The following SNTG2 variants were observed in gnomAD, a reference collection of about 807,000 sequenced individuals.
SNTG2 encodes gamma-2-syntrophin.
A neutral mutation model predicts 70.9 loss-of-function variants in SNTG2; 74 were observed. That is an observed-to-expected ratio of 1.04 (90% CI 0.86 to 1.27). The LOEUF (loss-of-function observed/expected upper bound fraction) is 1.27, where lower values mean the gene tolerates loss of function less well. SNTG2 is among the 50% of genes most tolerant of loss of function. SNTG2 has a pLI of 0.00. For missense variants in SNTG2, 717 were observed against 690.7 expected (o/e 1.04, Z -0.43); for synonymous variants, 278 against 273.8 (o/e 1.02, Z -0.15).
chr2:1,137,909 G>C, intron 6 of SNTG2, 100 bp downstream of exon 6: 1 of 1,168,716 alleles, frequency 8.6e-7, no homozygotes, highest in East Asian at 2.4e-5. Context: ...CATAGATGCA[G>C]TGTTAGAATT....
At chr2:1,005,848 TATATATATATATATATATATATATATAA>T (rs1164519080) in intron 1 of SNTG2, among the ~76,000 whole-genome samples, 4 of 20,836 alleles carry the variant, frequency 1.9e-4, no homozygotes, top group African/African-American at 5.2e-4. Flanking sequence ...TATATATATA[TATATATATATATATATATATATATATAA>T]ACGTTGACAT....
intron 8 of SNTG2, among the ~76,000 whole-genome samples, chr2:1,194,198 G>C (rs1240725690): frequency 6.6e-6 from 1 of 152,206 alleles, no homozygotes; most frequent in Non-Finnish European, 1.5e-5. Flanking sequence ...GTTAGAAGTA[G>C]GAGGAAGCAG....
intron 1 of SNTG2, among the ~76,000 whole-genome samples, chr2:1,076,825 TAATC>T (rs377246039): frequency 6.8e-4 from 104 of 152,342 alleles, no homozygotes; most frequent in African/African-American, 1.5e-3. Flanking sequence ...TAGATTTAAA[TAATC>T]AATAATAAAT....
intron 11 of SNTG2, among the ~76,000 whole-genome samples, chr2:1,246,199 G>GA (rs1352959525): frequency 4.6e-5 from 7 of 152,302 alleles, no homozygotes; most frequent in African/African-American, 1.7e-4. Flanking sequence ...TGAAAACCAT[G>GA]ATGATAGCTG....
chr2:1,278,486 C>A (rs1572909584), intron 14 of SNTG2, among the ~76,000 whole-genome samples: 1 of 152,076 alleles, frequency 6.6e-6, no homozygotes, highest in Non-Finnish European at 1.5e-5. Flanking sequence ...ACAGGAGGTG[C>A]TAGTGAGGTA....
chr2:1,161,823 C>T (rs1291637945), intron 6 of SNTG2, among the ~76,000 whole-genome samples: 1 of 152,080 alleles, frequency 6.6e-6, no homozygotes, highest in Non-Finnish European at 1.5e-5. Context: ...GCCTGTAATC[C>T]CAGCAGTTTG....
chr2:1,254,509 GA>G (rs1677937455), intron 12 of SNTG2, among the ~76,000 whole-genome samples: 1 of 132,526 alleles, frequency 7.5e-6, no homozygotes, highest in African/African-American at 3.5e-5. Context: ...GCATATGCAA[GA>G]ATTATTAGCA....
At chr2:1,174,100 C>G (rs550222904) in intron 8 of SNTG2, among the ~76,000 whole-genome samples, 1 of 152,276 alleles carries the variant, frequency 6.6e-6, no homozygotes, top group South Asian at 2.1e-4. Flanking sequence ...CATTTAGACT[C>G]TGTGTCAGTT....
chr2:1,039,308 C>T (rs1558332517), intron 1 of SNTG2, among the ~76,000 whole-genome samples: 1 of 152,120 alleles, frequency 6.6e-6, no homozygotes, highest in East Asian at 1.9e-4. Flanking sequence ...CATTTTTTCT[C>T]ACAATTAGAT....
rs114283324 is a variant in SNTG2, at chr2:1,332,921, C to T, written c.1488+16546C>T. 1.7e-3 allele frequency among the ~76,000 whole-genome samples: 258 copies of T among 152,284 alleles called. 1 individual carries two copies. The highest frequency in any genetic ancestry group is 6.0e-3 in the African/African-American group (249 of 41,572). On this transcript the variant is annotated intron_variant, in intron 16 of 16. Coordinates refer to ENST00000308624, the MANE Select transcript of SNTG2 (RefSeq NM_018968.4). ...AAGACAGGGACGCCTACTCTCACCA[C>T]TTCTATTCACCATAGTACTGAAGTC...
At chr2:1,066,476 G>A (rs1455127081) in intron 1 of SNTG2, among the ~76,000 whole-genome samples, 2 of 152,028 alleles carry the variant, frequency 1.3e-5, no homozygotes, top group Non-Finnish European at 2.9e-5. Flanking sequence ...CAGATGTGAT[G>A]ATTTTGCCGG....
At chr2:1,265,551 G>A (rs960609519) in intron 13 of SNTG2, among the ~76,000 whole-genome samples, 47 of 152,342 alleles carry the variant, frequency 3.1e-4, no homozygotes, top group Non-Finnish European at 5.1e-4. Context: ...GGGGCCAGGA[G>A]AGCCAGGGCA....
At chr2:1,223,495 C>T (rs1478142736) in intron 9 of SNTG2, among the ~76,000 whole-genome samples, 1 of 152,220 alleles carries the variant, frequency 6.6e-6, no homozygotes, top group African/African-American at 2.4e-5. Context: ...TCCTGGGATC[C>T]CTGTGCTCCT....
At chr2:1,306,151 G>T (rs1276728173) in intron 14 of SNTG2, among the ~76,000 whole-genome samples, 3 of 152,178 alleles carry the variant, frequency 2.0e-5, no homozygotes, top group African/African-American at 4.8e-5. Context: ...AGGGGAGCTG[G>T]CTGGTACTGT....
chr2:1,134,803 G>T (rs1364307147), intron 4 of SNTG2, among the ~76,000 whole-genome samples: 2 of 152,138 alleles, frequency 1.3e-5, no homozygotes, highest in Non-Finnish European at 2.9e-5. Context: ...GGCTCCAGCC[G>T]CACAGGAGCC....
chr2:1,040,870 C>A (rs548003658), intron 1 of SNTG2, among the ~76,000 whole-genome samples: 1 of 152,154 alleles, frequency 6.6e-6, no homozygotes, highest in Non-Finnish European at 1.5e-5. Flanking sequence ...TGATGGAGCC[C>A]GGCTGTGCCA....
chr2:1,111,556 G>T (rs1378550571), intron 4 of SNTG2, among the ~76,000 whole-genome samples: 1 of 152,220 alleles, frequency 6.6e-6, no homozygotes, highest in Admixed American at 6.5e-5. Flanking sequence ...AGTTCAGCCA[G>T]TGTTATGGCA....
chr2:1,037,447 A>G (rs1352896711), intron 1 of SNTG2, among the ~76,000 whole-genome samples: 2 of 152,176 alleles, frequency 1.3e-5, no homozygotes. Context: ...CCTTTGGCAC[A>G]ATAGGTTTTA....
chr2:1,248,103 C>T (rs940298180), intron 12 of SNTG2, among the ~76,000 whole-genome samples: 12 of 152,186 alleles, frequency 7.9e-5, no homozygotes, highest in African/African-American at 2.4e-4. Context: ...ATGCATGTCA[C>T]GTGCAGTGTT....
Sources: allele counts gnomAD v4.1 joint callset (sites outside exome capture counted in the v4.1 genomes callset), GRCh38; gene constraint gnomAD v4.1.1; transcripts MANE v1.5; gene names NCBI Gene and HGNC (gene_info 2026-07-23, HGNC 2026-07-21).